The following ADAM22 variants were observed in gnomAD, a reference collection of about 807,000 sequenced individuals.
ADAM22 encodes the protein ADAM metallopeptidase domain 22, also known as disintegrin and metalloproteinase domain-containing protein 22.
A neutral mutation model predicts 144.6 loss-of-function variants in ADAM22; 65 were observed. That is an observed-to-expected ratio of 0.45 (90% CI 0.37 to 0.55). ADAM22 has a LOEUF of 0.55. Among genes scored for constraint, ADAM22 ranks in the 20% least tolerant of loss-of-function variants. ADAM22 has a pLI of 0.00. For missense variants in ADAM22, 974 were observed against 1,184.9 expected (o/e 0.82, Z 2.61); for synonymous variants, 391 against 412.6 (o/e 0.95, Z 0.63).
At chr7:87,944,276 G>A (rs1843031019) in intron 2 of ADAM22, among the ~76,000 whole-genome samples, 1 of 150,998 alleles carries the variant, frequency 6.6e-6, no homozygotes, top group Non-Finnish European at 1.5e-5. Flanking sequence ...GGGTCAGGCT[G>A]GTACACACAA....
chr7:87,946,384 T>A (rs1843681360), intron 2 of ADAM22, among the ~76,000 whole-genome samples: 1 of 152,232 alleles, frequency 6.6e-6, no homozygotes, highest in South Asian at 2.1e-4. Flanking sequence ...TTTAATTATG[T>A]CCTACTTGAC....
intron 22 of ADAM22, among the ~76,000 whole-genome samples, chr7:88,157,309 C>A (rs561108685): frequency 6.6e-6 from 1 of 151,844 alleles, no homozygotes; most frequent in African/African-American, 2.4e-5. Context: ...AATTTTAGAA[C>A]CTTAGAACAA....
chr7:88,139,360 A>G (rs1242529669), intron 14 of ADAM22, among the ~76,000 whole-genome samples: 4 of 151,906 alleles, frequency 2.6e-5, no homozygotes, highest in Admixed American at 6.6e-5. Flanking sequence ...AGAGGTTGCA[A>G]TGAGCCAAGA....
intron 3 of ADAM22, among the ~76,000 whole-genome samples, chr7:87,982,541 G>A (rs999081710): frequency 6.6e-6 from 1 of 151,126 alleles, no homozygotes; most frequent in Non-Finnish European, 1.5e-5. Context: ...CTAGGGCCTT[G>A]TAGGCAACAG....
chr7:88,008,765 G>T (rs1298718646), intron 3 of ADAM22, among the ~76,000 whole-genome samples: 1 of 151,508 alleles, frequency 6.6e-6, no homozygotes, highest in Admixed American at 6.6e-5. Flanking sequence ...TGGGGGTAGG[G>T]GGTATAGCAT....
intron 2 of ADAM22, among the ~76,000 whole-genome samples, chr7:87,962,468 A>G (rs1181770129): frequency 6.6e-6 from 1 of 152,224 alleles, no homozygotes; most frequent in African/African-American, 2.4e-5. Flanking sequence ...AGAGAGGGAT[A>G]GAGGAATTGT....
chr7:87,994,923 G>T (rs1405658136), intron 3 of ADAM22, among the ~76,000 whole-genome samples: 1 of 152,068 alleles, frequency 6.6e-6, no homozygotes, highest in Non-Finnish European at 1.5e-5. Flanking sequence ...CGCCTCCCGG[G>T]TTCACGCCAT....
At chr7:88,014,641 G>A (rs1585025012) in intron 3 of ADAM22, among the ~76,000 whole-genome samples, 1 of 152,142 alleles carries the variant, frequency 6.6e-6, no homozygotes, top group East Asian at 1.9e-4. Flanking sequence ...TACTCAGGAG[G>A]CTGAAGCAGG....
At chr7:88,022,181 CCA>C (rs1262792292) in intron 3 of ADAM22, among the ~76,000 whole-genome samples, 1 of 152,032 alleles carries the variant, frequency 6.6e-6, no homozygotes, top group Non-Finnish European at 1.5e-5. Flanking sequence ...CAGGCATGAA[CCA>C]CCACTCTTGG....
rs1351322815 is a variant in ADAM22 at position 88,133,044 on chromosome 7, C to A, written c.1077+93C>A. The A allele has an allele frequency of 4.4e-6, 5 of 1,128,908 alleles. No homozygotes were observed. The East Asian group carries it at 1.2e-4, about 27-fold the overall frequency. 69.9% of individuals were successfully genotyped at this position (1,128,908 alleles called of 1,614,324 possible). A position where few individuals can be genotyped will look rare whatever the true frequency, so the allele number is the denominator to read the frequency against. ...GATAATTTCTCAGTATTCACATACT[C>A]CAGATGTTAGATTGCTATATTACAA... On this transcript the variant is annotated intron_variant, in intron 12 of 31. Transcript: ENST00000413139.
At chr7:87,938,907 C>G (rs987103569) in intron 2 of ADAM22, among the ~76,000 whole-genome samples, 7 of 152,132 alleles carry the variant, frequency 4.6e-5, no homozygotes, top group South Asian at 2.1e-4. Context: ...CCTTGGCATC[C>G]CAAAGTGCTG....
chr7:87,952,737 C>T (rs1038618779), intron 2 of ADAM22, among the ~76,000 whole-genome samples: 6 of 152,084 alleles, frequency 3.9e-5, no homozygotes, highest in African/African-American at 1.4e-4. Flanking sequence ...CTCCTTGTAC[C>T]TCTGGTAGAA....
intron 22 of ADAM22, among the ~76,000 whole-genome samples, chr7:88,160,422 A>G (rs1841262556): frequency 6.6e-6 from 1 of 152,138 alleles, no homozygotes. Context: ...ACAGGGAACT[A>G]AAAAGCTGGA....
intron 15 of ADAM22, among the ~76,000 whole-genome samples, chr7:88,144,598 T>A (rs1472372796): frequency 6.6e-6 from 1 of 152,158 alleles, no homozygotes; most frequent in Non-Finnish European, 1.5e-5. Context: ...ATAAAGGGTT[T>A]TTTCACAGAT....
intron 30 of ADAM22, among the ~76,000 whole-genome samples, chr7:88,191,438 C>T (rs919516677): frequency 6.6e-6 from 1 of 152,202 alleles, no homozygotes; most frequent in Non-Finnish European, 1.5e-5. Context: ...GTGTACCTTA[C>T]TAGCTTTCCT....
intron 4 of ADAM22, among the ~76,000 whole-genome samples, chr7:88,076,510 C>T (rs1422724333): frequency 1.3e-5 from 2 of 152,056 alleles, no homozygotes; most frequent in African/African-American, 4.8e-5. Context: ...CCCTGCCGCC[C>T]CTCCACCCTG....
At chr7:88,034,825 A>G (rs567329782) in intron 3 of ADAM22, among the ~76,000 whole-genome samples, 2 of 152,212 alleles carry the variant, frequency 1.3e-5, no homozygotes, top group East Asian at 1.9e-4. Context: ...AAGTCCCACA[A>G]TTGCTGTGCT....
At chr7:88,083,573 T>C (rs1817533568) in intron 4 of ADAM22, among the ~76,000 whole-genome samples, 1 of 147,010 alleles carries the variant, frequency 6.8e-6, no homozygotes, top group African/African-American at 2.6e-5. Context: ...TTTTTTTCTC[T>C]TTTTACTTTG....
rs148612491 is a variant in ADAM22 at position 88,053,548 on chromosome 7, A to AAAAGAAAG, written c.324-22067_324-22060dup. ...TCTTAGAGATTTCAGGATAACTCAAAAAAGAAAGAAAGAAAGAAGGAAGGA... is the reference window on the plus strand; with the variant it reads ...TCTTAGAGATTTCAGGATAACTCAAAAAAGAAAGAAAGAAAGAAAGAAAGAAGGAAGGA... On this transcript the variant is annotated intron_variant, in intron 3 of 31. Transcript: ENST00000413139. Among the ~76,000 whole-genome samples, 85 of 150,622 alleles carry AAAAGAAAG rather than the reference A, an allele frequency of 5.6e-4. No homozygotes were observed. The East Asian group carries it at 0.013, about 23-fold the overall frequency.
Sources: gnomAD v4.1 joint callset for allele counts (sites outside exome capture counted in the v4.1 genomes callset) on GRCh38, gnomAD v4.1.1 for gene constraint, MANE v1.5 for transcripts, NCBI Gene and HGNC (gene_info 2026-07-23, HGNC 2026-07-21) for gene names.